Variants in ZNF682 observed in about 807,000 individuals in gnomAD.
ZNF682 encodes the protein zinc finger protein 682.
Under a neutral mutation model 36.5 loss-of-function variants are expected in ZNF682, and 29 were observed. The ratio of observed to expected loss-of-function variants is 0.80; its 90% confidence interval spans 0.59 to 1.08. ZNF682 has a LOEUF of 1.08. ZNF682 is among the 50% of genes least tolerant of loss of function. The probability of loss-of-function intolerance (pLI) is 0.00; values close to 1 mark genes in which losing one functional copy is unlikely to be tolerated. For missense variants in ZNF682, 561 were observed against 579.7 expected (o/e 0.97, Z 0.33); for synonymous variants, 180 against 197.0 (o/e 0.91, Z 0.72).
In ZNF682 at chr19:20,024,276, T is replaced by C. The variant is rs1223995201; in HGVS notation, c.104A>G (p.Glu35Gly). The change falls in exon 2 of 4, where the codon GAG becomes GGG. Residue 35 changes from glutamate to glycine, a missense_variant. Glu to Gly is a moderately conservative substitution (Grantham distance 98, BLOSUM62 -2). Coordinates refer to ENST00000397165, the MANE Select transcript of ZNF682 (RefSeq NM_033196.3). ...CAGAGAGACCAGGTTTCTGTAGTTC[T>C]CTAGCATCACTTTCCTATACAAACT... ...QQSLYRKVMLENYRNLVSLGL... is the reference protein window; with the variant it reads ...QQSLYRKVMLGNYRNLVSLGL... The C allele has an allele frequency of 6.2e-7, 1 of 1,614,120 alleles. No homozygotes were observed. The highest frequency in any genetic ancestry group is 2.2e-5 in the East Asian group (1 of 44,866).
intron 3 of ZNF682, among the ~76,000 whole-genome samples, chr19:20,010,666 A>C (rs2088277363): frequency 6.6e-6 from 1 of 151,974 alleles, no homozygotes; most frequent in Non-Finnish European, 1.5e-5. Flanking sequence ...CAAAAAATAT[A>C]TTAAAAAATT....
intron 3 of ZNF682, among the ~76,000 whole-genome samples, chr19:20,013,533 C>G (rs1293921205): frequency 2.6e-5 from 4 of 152,092 alleles, no homozygotes; most frequent in Admixed American, 6.5e-5. Flanking sequence ...ATAACACATT[C>G]TCTTGGATAT....
intron 3 of ZNF682, among the ~76,000 whole-genome samples, chr19:20,013,321 T>C (rs2088306963): frequency 6.6e-6 from 1 of 151,906 alleles, no homozygotes; most frequent in South Asian, 2.1e-4. Context: ...TCATCAGGGT[T>C]CCCAAATATA....
intron 2 of ZNF682, among the ~76,000 whole-genome samples, chr19:20,023,395 G>A (rs917695669): frequency 4.6e-5 from 7 of 151,968 alleles, no homozygotes; most frequent in Admixed American, 4.6e-4. Context: ...TGCTTGGGAG[G>A]CTGAGGGAGG....
intron 2 of ZNF682, among the ~76,000 whole-genome samples, chr19:20,023,982 A>AAAAAT (rs886661348): frequency 3.3e-5 from 5 of 152,104 alleles, no homozygotes; most frequent in Non-Finnish European, 5.9e-5. Flanking sequence ...CTCTGTCTCA[A>AAAAAT]AAAATAAAAT....
In ZNF682 at chr19:20,006,244, T is replaced by C; in HGVS notation, c.1258A>G (p.Thr420Ala). 2 of 1,613,858 alleles carry C rather than the reference T, an allele frequency of 1.2e-6. No homozygotes were observed. Among genetic ancestry groups the C allele is most frequent in the East Asian group, 4.5e-5 (2 of 44,872 alleles). The change falls in exon 4 of 4, where the codon ACT becomes GCT. Residue 420 changes from threonine to alanine, a missense_variant. Thr to Ala is a moderately conservative substitution (Grantham distance 58, BLOSUM62 0). Coordinates refer to ENST00000397165, the MANE Select transcript of ZNF682 (RefSeq NM_033196.3). ...TCACAGTTGTAGGGTTTCTCTCCAG[T>C]ATGAATTCTCTTATGTTCAGTAAGG... ...SILTEHKRIH[T>A]GEKPYNCEEC...
downstream of ZNF682, among the ~76,000 whole-genome samples, chr19:20,002,933 G>A (rs1187580607): frequency 1.3e-5 from 2 of 152,250 alleles, no homozygotes; most frequent in African/African-American, 2.4e-5. Flanking sequence ...GCTCACGCCT[G>A]TAATCCCAGC....
chr19:20,026,980 A>T (rs1409963985), intron 1 of ZNF682, among the ~76,000 whole-genome samples: 3 of 152,228 alleles, frequency 2.0e-5, no homozygotes, highest in African/African-American at 7.2e-5. Context: ...TTAGGTAGGA[A>T]CATCAGAAGT....
At chr19:20,012,646 T>C (rs961399521) in intron 3 of ZNF682, among the ~76,000 whole-genome samples, 2 of 151,476 alleles carry the variant, frequency 1.3e-5, no homozygotes, top group African/African-American at 4.9e-5. Flanking sequence ...CGGGCGCCTG[T>C]AGTCTCAGCT....
intron 3 of ZNF682, among the ~76,000 whole-genome samples, chr19:20,010,848 C>T (rs2122318685): frequency 1.3e-5 from 2 of 151,728 alleles, no homozygotes; most frequent in Admixed American, 1.3e-4. Context: ...ACGTGTAGTC[C>T]CAGCTACTAG....
chr19:20,003,802 A>G (rs938409754), downstream of ZNF682, among the ~76,000 whole-genome samples: 1 of 152,240 alleles, frequency 6.6e-6, no homozygotes, highest in Non-Finnish European at 1.5e-5. Flanking sequence ...AGGAACCACA[A>G]GATTTTGAAA....
exon 4 of ZNF682, chr19:19,997,198 G>A: frequency 2.5e-6 from 1 of 398,824 alleles, no homozygotes; most frequent in Non-Finnish European, 4.4e-6. Flanking sequence ...TCCATCAGCT[G>A]GGGTCATCTC....
chr19:20,021,067 A>AGAC (rs2088379586), intron 3 of ZNF682, among the ~76,000 whole-genome samples: 1 of 151,396 alleles, frequency 6.6e-6, no homozygotes, highest in Non-Finnish European at 1.5e-5. Context: ...CAGTGGAAGA[A>AGAC]TTGTCTTGGG....
chr19:20,012,186 C>T lies in ZNF682; in HGVS notation c.227-4911G>A, dbSNP rs542454638. ...ACCATGCATAAAGAAATGAGAAAAA[C>T]GAGAACAAAGTAAATCCAAAGCTAG... On this transcript the variant is annotated intron_variant, in intron 3 of 3. Transcript: ENST00000397165. Among the ~76,000 whole-genome samples the T allele has an allele frequency of 6.6e-5, 10 of 151,912 alleles. No homozygotes were observed. The East Asian group carries it at 1.2e-3, about 18-fold the overall frequency.
downstream of ZNF682, among the ~76,000 whole-genome samples, chr19:19,999,725 G>A (rs1036574351): frequency 7.9e-5 from 12 of 152,108 alleles, no homozygotes; most frequent in African/African-American, 2.9e-4. Flanking sequence ...AGTAGAGATG[G>A]GGTTTCACCA....
At chr19:19,996,259 A>G (rs1409993726), downstream of ZNF682, among the ~76,000 whole-genome samples, 1 of 152,184 alleles carries the variant, frequency 6.6e-6, no homozygotes, top group Non-Finnish European at 1.5e-5. Flanking sequence ...TACAACCACT[A>G]TGGAAAACAG....
At chr19:20,016,474 A>C (rs1463654290) in intron 3 of ZNF682, among the ~76,000 whole-genome samples, 3 of 152,152 alleles carry the variant, frequency 2.0e-5, no homozygotes, top group African/African-American at 7.2e-5. Flanking sequence ...TGAGGAAATG[A>C]TATATCAACA....
chr19:20,026,080 A>G (rs1599613668), intron 1 of ZNF682, among the ~76,000 whole-genome samples: 10 of 152,290 alleles, frequency 6.6e-5, no homozygotes. Flanking sequence ...AGGCGGGTGG[A>G]TCACAAGGTC....
At chr19:20,012,029 T>C (rs1164769162) in intron 3 of ZNF682, among the ~76,000 whole-genome samples, 1 of 151,342 alleles carries the variant, frequency 6.6e-6, no homozygotes, top group Non-Finnish European at 1.5e-5. Flanking sequence ...AGAGTGAGAC[T>C]CCATCTCAAA....
Sources: gnomAD v4.1 joint callset for allele counts (sites outside exome capture counted in the v4.1 genomes callset) on GRCh38, gnomAD v4.1.1 for gene constraint, MANE v1.5 for transcripts, NCBI Gene and HGNC (gene_info 2026-07-23, HGNC 2026-07-21) for gene names.